The following OXR1 variants were observed in gnomAD, a reference collection of about 807,000 sequenced individuals.
OXR1 encodes oxidation resistance protein 1.
OXR1 carries 41 observed loss-of-function variants against 104.6 expected under a neutral mutation model. The observed-to-expected ratio is 0.39, with a 90% CI of 0.31 to 0.51. The LOEUF (loss-of-function observed/expected upper bound fraction) is 0.51, where lower values mean the gene tolerates loss of function less well. Ranked by LOEUF, OXR1 falls within the 20% of genes least tolerant of loss-of-function variation. OXR1 has a pLI of 0.77. For missense variants in OXR1, 955 were observed against 1,031.9 expected (o/e 0.93, Z 1.02); for synonymous variants, 348 against 348.4 (o/e 1.00, Z 0.01).
intron 2 of OXR1, among the ~76,000 whole-genome samples, chr8:106,494,835 C>G (rs1475669100): frequency 6.6e-6 from 1 of 152,122 alleles, no homozygotes; most frequent in African/African-American, 2.4e-5. Context: ...GCTGTGGTGT[C>G]CCATTCTGCC....
chr8:106,569,563 A>G (rs1444080557), intron 3 of OXR1, among the ~76,000 whole-genome samples: 1 of 152,224 alleles, frequency 6.6e-6, no homozygotes, highest in Non-Finnish European at 1.5e-5. Context: ...ACCCTTTTCC[A>G]GATATACAAG....
intron 1 of OXR1, among the ~76,000 whole-genome samples, chr8:106,356,449 C>G (rs986967855): frequency 2.6e-5 from 4 of 152,108 alleles, no homozygotes; most frequent in African/African-American, 7.2e-5. Flanking sequence ...CTAAATTGTA[C>G]CATGTACATT....
rs993331622 is a variant in OXR1 at position 106,624,161 on chromosome 8, T to C, written c.221-55049T>C. Among the ~76,000 whole-genome samples the C allele has an allele frequency of 4.6e-5, 7 of 152,208 alleles. No individual in the cohort carries two copies. In the East Asian group the frequency reaches 7.7e-4, roughly 17 times the overall value. On this transcript the variant is annotated intron_variant, in intron 3 of 16. Coordinates refer to ENST00000517566, the MANE Select transcript of OXR1 (RefSeq NM_001198533.2). ...CAAGGTCACTCTGAACTTACTTTCA[T>C]TGAAACCATTGGCAGTATGGTCTAG...
intron 1 of OXR1, among the ~76,000 whole-genome samples, chr8:106,286,375 T>A (rs1301053991): frequency 3.9e-5 from 1 of 25,610 alleles, no homozygotes; most frequent in Non-Finnish European, 6.4e-5. Context: ...AAGTTAGGGT[T>A]TTTTTTTTTT....
intron 3 of OXR1, among the ~76,000 whole-genome samples, chr8:106,589,340 C>A (rs1374619708): frequency 7.3e-6 from 1 of 137,098 alleles, no homozygotes; most frequent in Non-Finnish European, 1.6e-5. Flanking sequence ...GCCCTGGAGC[C>A]TTTTTTTTTT....
chr8:106,639,192 C>CT (rs887986320), intron 3 of OXR1, among the ~76,000 whole-genome samples: 5 of 152,090 alleles, frequency 3.3e-5, no homozygotes, highest in South Asian at 2.1e-4. Flanking sequence ...ATGAATCTTC[C>CT]TTTTTTTTGT....
chr8:106,549,138 C>G (rs548284755), intron 3 of OXR1, among the ~76,000 whole-genome samples: 30 of 152,164 alleles, frequency 2.0e-4, no homozygotes, highest in Admixed American at 1.9e-3. Context: ...TTGAAACAGC[C>G]TAAATAGAAG....
intron 1 of OXR1, among the ~76,000 whole-genome samples, 200 bp downstream of exon 1, chr8:106,270,567 G>A (rs1335828775): frequency 6.6e-6 from 1 of 152,206 alleles, no homozygotes; most frequent in African/African-American, 2.4e-5. Context: ...GGGCAGAGCA[G>A]GAGGGCAGAA....
In OXR1 at chr8:106,666,524, C is replaced by A. The variant is rs77416465; in HGVS notation, c.221-12686C>A. 6.0e-3 allele frequency among the ~76,000 whole-genome samples: 915 copies of A among 152,286 alleles called. 8 individuals carry two copies. Among genetic ancestry groups the A allele is most frequent in the African/African-American group, 0.02 (833 of 41,544 alleles). ...AGGACCATTGCAATAGGGATAGGGA[C>A]TGTGGCAATGAGATTTTGTAGTTGA... is the stretch of plus-strand genomic sequence containing the variant. On this transcript the variant is annotated intron_variant, in intron 3 of 16. Transcript: ENST00000517566.
chr8:106,297,235 T>G (rs1813035366), intron 1 of OXR1, among the ~76,000 whole-genome samples: 1 of 152,150 alleles, frequency 6.6e-6, no homozygotes. Flanking sequence ...TTTTATTTTA[T>G]TTTACTTTGT....
At chr8:106,309,452 T>G (rs1357578598) in intron 1 of OXR1, among the ~76,000 whole-genome samples, 1 of 152,166 alleles carries the variant, frequency 6.6e-6, no homozygotes, top group Non-Finnish European at 1.5e-5. Flanking sequence ...AGGAACCCAC[T>G]CCAGGATACG....
chr8:106,323,736 G>A (rs183035637), intron 1 of OXR1, among the ~76,000 whole-genome samples: 45 of 152,218 alleles, frequency 3.0e-4, no homozygotes, highest in Non-Finnish European at 6.5e-4. Flanking sequence ...AGACATACAT[G>A]TGGCCAACAA....
At chr8:106,272,213 A>G (rs1811848011) in intron 1 of OXR1, 1 of 152,256 alleles carries the variant, frequency 6.6e-6, no homozygotes, top group African/African-American at 2.4e-5. Flanking sequence ...AGAAGCTTCC[A>G]CAGTGTGCAG....
chr8:106,686,724 G>C (rs1305275098), intron 6 of OXR1, among the ~76,000 whole-genome samples: 1 of 152,162 alleles, frequency 6.6e-6, no homozygotes, highest in East Asian at 1.9e-4. Flanking sequence ...CAGCTTAGTA[G>C]TGGTTTACTA....
chr8:106,300,526 G>A (rs928608001), intron 1 of OXR1, among the ~76,000 whole-genome samples: 4 of 151,236 alleles, frequency 2.6e-5, no homozygotes, highest in East Asian at 3.9e-4. Flanking sequence ...TACAGTTAAC[G>A]TGTTTACAAA....
chr8:106,287,155 A>G (rs1812534631), intron 1 of OXR1, among the ~76,000 whole-genome samples: 1 of 152,168 alleles, frequency 6.6e-6, no homozygotes, highest in Non-Finnish European at 1.5e-5. Flanking sequence ...AAACAGAGGA[A>G]CTAAAATGAC....
intron 1 of OXR1, among the ~76,000 whole-genome samples, chr8:106,296,807 A>G (rs1044187967): frequency 6.6e-6 from 1 of 152,250 alleles, no homozygotes; most frequent in African/African-American, 2.4e-5. Flanking sequence ...GAACAAGAGT[A>G]GTCTCAGGTT....
intron 2 of OXR1, among the ~76,000 whole-genome samples, chr8:106,409,304 G>C (rs1480751371): frequency 6.6e-6 from 1 of 152,082 alleles, no homozygotes; most frequent in Non-Finnish European, 1.5e-5. Flanking sequence ...AACTTGGCCT[G>C]TCAAGAGGGA....
chr8:106,527,246 C>CTTG (rs896332941), intron 3 of OXR1, among the ~76,000 whole-genome samples: 1 of 152,050 alleles, frequency 6.6e-6, no homozygotes, highest in Non-Finnish European at 1.5e-5. Context: ...TATTAGTGAG[C>CTTG]TTGTTGTTGT....
Sources: gnomAD v4.1 joint callset for allele counts (sites outside exome capture counted in the v4.1 genomes callset) on GRCh38, gnomAD v4.1.1 for gene constraint, MANE v1.5 for transcripts, NCBI Gene and HGNC (gene_info 2026-07-23, HGNC 2026-07-21) for gene names.